SNX13: variants seen among roughly 807,000 people sequenced by gnomAD.
The protein encoded by SNX13 is sorting nexin 13, also known as sorting nexin-13.
A neutral mutation model predicts 133.6 loss-of-function variants in SNX13; 45 were observed. The ratio of observed to expected loss-of-function variants is 0.34; its 90% CI spans 0.27 to 0.43. The LOEUF is 0.43. Ranked by LOEUF, SNX13 falls within the 20% of genes least tolerant of loss-of-function variation. The probability of loss-of-function intolerance (pLI) is 1.00; values close to 1 mark genes in which losing one functional copy is unlikely to be tolerated. For missense variants in SNX13, 1,032 were observed against 1,145.1 expected (o/e 0.90, Z 1.43); for synonymous variants, 414 against 373.9 (o/e 1.11, Z -1.24).
At chr7:17,902,844 C>G (rs1797982661) in intron 1 of SNX13, among the ~76,000 whole-genome samples, 1 of 152,186 alleles carries the variant, frequency 6.6e-6, no homozygotes, top group Non-Finnish European at 1.5e-5. Context: ...CCTGTCAGAG[C>G]AGCAGCAGCA....
intron 17 of SNX13, among the ~76,000 whole-genome samples, chr7:17,822,165 C>G (rs1015052456): frequency 3.3e-5 from 5 of 151,842 alleles, no homozygotes; most frequent in Non-Finnish European, 7.4e-5. Flanking sequence ...TTCTTTGATA[C>G]GTTCAGTAGT....
chr7:17,866,316 T>C (rs1793394675), intron 9 of SNX13, among the ~76,000 whole-genome samples: 8 of 150,390 alleles, frequency 5.3e-5, no homozygotes, highest in Admixed American at 5.3e-4. Flanking sequence ...AAGAATCCCA[T>C]TAAAAATGGG....
chr7:17,807,794 G>A (rs1018788262), intron 20 of SNX13, among the ~76,000 whole-genome samples: 8 of 151,832 alleles, frequency 5.3e-5, no homozygotes, highest in African/African-American at 1.9e-4. Flanking sequence ...TGGCTGCTCT[G>A]CAGCCTCTGC....
chr7:17,845,386 G>T (rs1790382868), intron 12 of SNX13, among the ~76,000 whole-genome samples: 1 of 152,126 alleles, frequency 6.6e-6, no homozygotes, highest in Non-Finnish European at 1.5e-5. Flanking sequence ...TGTGAGGAAT[G>T]GAGAGAGTTG....
intron 22 of SNX13, among the ~76,000 whole-genome samples, chr7:17,801,022 A>ATATATATATATATATG (rs1784570340): frequency 2.1e-4 from 3 of 14,108 alleles, no homozygotes; most frequent in African/African-American, 5.5e-4. Flanking sequence ...ATATATATAT[A>ATATATATATATATATG]TATATATATA....
intron 5 of SNX13, among the ~76,000 whole-genome samples, chr7:17,876,039 G>T (rs1350063755): frequency 6.6e-6 from 1 of 152,064 alleles, no homozygotes; most frequent in African/African-American, 2.4e-5. Flanking sequence ...CTATCTAAAG[G>T]TTTAAAATAG....
rs1787276079 is a variant in SNX13, at chr7:17,821,520, T to C, written c.1834A>G (p.Ile612Val). ...YSDFHDFHMR[I>V]TEQFESLSSI... ...TAAAACTTCATTACCTGTTCAGTGA[T>C]TCTCATGTGGAAGTCATGGAAGTCA... The change falls in exon 18 of 26, where the codon ATC (isoleucine) becomes GTC (valine). Residue 612 changes from isoleucine to valine, a missense_variant. Physicochemically the swap from Ile to Val is conservative, Grantham distance 29 (BLOSUM62 3). Coordinates refer to ENST00000428135, the MANE Select transcript of SNX13 (RefSeq NM_015132.5). 1.9e-6 allele frequency: 3 copies of C among 1,611,478 alleles called. No homozygotes were observed. Among genetic ancestry groups the C allele is most frequent in the Non-Finnish European group, 2.5e-6 (3 of 1,178,866 alleles).
rs1463953487 is a variant in SNX13, at chr7:17,814,062, A to C, written c.2064+772T>G. Among the ~76,000 whole-genome samples the C allele has an allele frequency of 2.0e-5, 3 of 152,184 alleles. No homozygotes were observed. In the South Asian group the frequency reaches 6.2e-4, roughly 32 times the overall value. The stretch of plus-strand genomic sequence containing the variant: ...TGATAAAATACAAAGAGTGGTATAA[A>C]TAATACCAGCTTCCCCCACTGCTCC... On this transcript the variant is annotated intron_variant, in intron 20 of 25. Transcript: ENST00000428135.
chr7:17,830,984 A>T, intron 15 of SNX13: 1 of 984,426 alleles, frequency 1.0e-6, no homozygotes, highest in South Asian at 4.7e-5. Flanking sequence ...TCATAAAAAA[A>T]TGGGAATTTC....
chr7:17,805,254 T>TGCGTGCGTGCGCGCGCGCGC (rs1554304326), intron 20 of SNX13, among the ~76,000 whole-genome samples: 2 of 132,440 alleles, frequency 1.5e-5, no homozygotes, highest in African/African-American at 2.7e-5. Context: ...TGTGTGTGCG[T>TGCGTGCGTGCGCGCGCGCGC]GCGCGCGCGC....
At chr7:17,841,467 A>C (rs1789866116) in intron 12 of SNX13, among the ~76,000 whole-genome samples, 2 of 151,980 alleles carry the variant, frequency 1.3e-5, no homozygotes, top group African/African-American at 4.8e-5. Context: ...AAAAACAGTA[A>C]CAACAATAAA....
chr7:17,812,955 C>T (rs1450993617), intron 20 of SNX13, among the ~76,000 whole-genome samples: 3 of 151,852 alleles, frequency 2.0e-5, no homozygotes, highest in African/African-American at 4.8e-5. Context: ...CATCATACAC[C>T]GGGCCTGTCA....
intron 1 of SNX13, among the ~76,000 whole-genome samples, chr7:17,939,915 A>T (rs1370743562): frequency 2.0e-5 from 3 of 151,746 alleles, no homozygotes; most frequent in Non-Finnish European, 4.4e-5. Flanking sequence ...CCTAGGGCAA[A>T]CCATAGGATC....
chr7:17,822,151 C>A (rs1787364832), intron 17 of SNX13, among the ~76,000 whole-genome samples: 1 of 151,912 alleles, frequency 6.6e-6, no homozygotes, highest in Non-Finnish European at 1.5e-5. Flanking sequence ...TGGCAATTTT[C>A]TTTTTCTTTG....
At chr7:17,907,442 G>A (rs1562505056) in intron 1 of SNX13, 1 of 152,208 alleles carries the variant, frequency 6.6e-6, no homozygotes, top group Non-Finnish European at 1.5e-5. Context: ...ATCAGAAACT[G>A]ACAATGTTTT....
intron 13 of SNX13, among the ~76,000 whole-genome samples, chr7:17,835,987 G>C (rs1789088275): frequency 6.6e-6 from 1 of 150,408 alleles, no homozygotes; most frequent in Non-Finnish European, 1.5e-5. Context: ...GATGTTACTT[G>C]GTTTTGCCCT....
intron 1 of SNX13, among the ~76,000 whole-genome samples, chr7:17,929,911 T>A (rs1323119338): frequency 6.6e-6 from 1 of 152,168 alleles, no homozygotes. Flanking sequence ...AAAACTGAGA[T>A]AGCAAGTAAG....
intron 1 of SNX13, among the ~76,000 whole-genome samples, chr7:17,911,361 G>A (rs1426650631): frequency 6.6e-6 from 1 of 152,140 alleles, no homozygotes; most frequent in Admixed American, 6.5e-5. Flanking sequence ...ATAATTGCCG[G>A]GGCGCAGTGA....
chr7:17,799,069 C>T lies in SNX13; in HGVS notation c.2384G>A (p.Arg795Lys). The change falls in exon 23 of 26, where the codon AGG becomes AAG. Residue 795 changes from arginine to lysine, a missense_variant. By Grantham distance (26) the Arg-to-Lys change is conservative. Coordinates refer to ENST00000428135, the MANE Select transcript of SNX13 (RefSeq NM_015132.5). Reference sequence around the variant, plus strand: ...CTGTTGAAGTAGGTTTTTGATATTCCTTCGCAACCACTGATTTCTTTCTTT... The same window carrying T: ...CTGTTGAAGTAGGTTTTTGATATTCTTTCGCAACCACTGATTTCTTTCTTT... ...DLKERNQWLR[R>K]NIKNLLQQLI... The T allele has an allele frequency of 6.2e-7, 1 of 1,610,980 alleles. No individual in the cohort carries two copies. The highest frequency in any genetic ancestry group is 8.5e-7 in the Non-Finnish European group (1 of 1,178,058).
Sources: allele counts gnomAD v4.1 joint callset (sites outside exome capture counted in the v4.1 genomes callset), GRCh38; gene constraint gnomAD v4.1.1; transcripts MANE v1.5; gene names NCBI Gene and HGNC (gene_info 2026-07-23, HGNC 2026-07-21).